The following CDH13 variants were observed in gnomAD, a reference collection of about 807,000 sequenced individuals.
CDH13 encodes the protein cadherin-13.
CDH13 carries 24 observed loss-of-function variants against 63.8 expected under a neutral mutation model. The ratio of observed to expected loss-of-function variants is 0.38; its 90% CI spans 0.27 to 0.53. The LOEUF (loss-of-function observed/expected upper bound fraction) is 0.53, where lower values mean the gene tolerates loss of function less well. Ranked by LOEUF, CDH13 falls within the 20% of genes least tolerant of loss-of-function variation. The probability of loss-of-function intolerance (pLI) is 0.85; values close to 1 mark genes in which losing one functional copy is unlikely to be tolerated. For synonymous variants in CDH13, 503 were observed against 355.3 expected (o/e 1.42, Z -4.67); for missense variants, 1,049 against 903.1 (o/e 1.16, Z -2.07).
chr16:83,275,145 C>T (rs2088946871), intron 5 of CDH13, among the ~76,000 whole-genome samples: 1 of 152,212 alleles, frequency 6.6e-6, no homozygotes, highest in Admixed American at 6.5e-5. Context: ...ACATCCAATA[C>T]ATGTTTGAAT....
intron 1 of CDH13, among the ~76,000 whole-genome samples, chr16:82,796,470 C>G (rs570374240): frequency 2.0e-5 from 3 of 152,330 alleles, no homozygotes; most frequent in African/African-American, 7.2e-5. Flanking sequence ...GCTGTGATTT[C>G]AACAGTGAAG....
At chr16:82,876,408 C>T (rs963675692) in intron 2 of CDH13, among the ~76,000 whole-genome samples, 2 of 152,180 alleles carry the variant, frequency 1.3e-5, no homozygotes, top group Admixed American at 6.5e-5. Context: ...ATTGAAAGAA[C>T]ATGCAACCCA....
chr16:83,691,367 G>A (rs1904864472), intron 10 of CDH13, among the ~76,000 whole-genome samples: 1 of 152,090 alleles, frequency 6.6e-6, no homozygotes, highest in African/African-American at 2.4e-5. Context: ...ACATCCAGAT[G>A]GAATTTAAAT....
At chr16:83,740,085 G>GT (rs1473867509) in intron 10 of CDH13, 2 of 152,122 alleles carry the variant, frequency 1.3e-5, no homozygotes, top group Non-Finnish European at 2.9e-5. Context: ...GTAGAAATGT[G>GT]TTGAGACCAG....
At chr16:83,410,344 C>CT (rs1251561944) in intron 6 of CDH13, among the ~76,000 whole-genome samples, 8 of 152,072 alleles carry the variant, frequency 5.3e-5, no homozygotes, top group African/African-American at 1.7e-4. Flanking sequence ...ACTTTATAAC[C>CT]TTTTTATCTC....
rs200853526 is a variant in CDH13 at position 82,998,862 on chromosome 16, C to CTTTTTTT, written c.158-33137_158-33131dup. ...GCTGCCATGTAATTTCCCCTTGATC[C>CTTTTTTT]TTTTTTTTTTTTTTTTTGCAGATAC... On this transcript the variant is annotated intron_variant, in intron 2 of 13. Transcript: ENST00000567109. Among the ~76,000 whole-genome samples, 190 of 128,536 alleles carry CTTTTTTT rather than the reference C, an allele frequency of 1.5e-3. 3 individuals are homozygous for CTTTTTTT. Among genetic ancestry groups the CTTTTTTT allele is most frequent in the African/African-American group, 5.1e-3 (170 of 33,376 alleles). 84.3% of individuals were successfully genotyped at this position (128,536 alleles called of 152,430 possible). A position where few individuals can be genotyped will look rare whatever the true frequency, so the allele number is the denominator to read the frequency against.
chr16:83,482,667 T>C (rs1037277758), intron 6 of CDH13, among the ~76,000 whole-genome samples: 3 of 152,252 alleles, frequency 2.0e-5, no homozygotes, highest in East Asian at 1.9e-4. Flanking sequence ...ACTCAGCAGA[T>C]AGGTTGGGGT....
chr16:83,023,829 T>C (rs1426929315), intron 2 of CDH13, among the ~76,000 whole-genome samples: 3 of 152,184 alleles, frequency 2.0e-5, no homozygotes, highest in East Asian at 3.8e-4. Context: ...ATGATTATAA[T>C]TGGTGAGAAT....
At chr16:83,707,698 T>G (rs2150918660) in intron 10 of CDH13, among the ~76,000 whole-genome samples, 1 of 152,116 alleles carries the variant, frequency 6.6e-6, no homozygotes, top group Admixed American at 6.6e-5. Context: ...ACTGTGCTAT[T>G]GATCTGGTGG....
intron 1 of CDH13, among the ~76,000 whole-genome samples, chr16:82,796,838 C>T (rs1016474228): frequency 5.9e-5 from 9 of 152,296 alleles, no homozygotes; most frequent in South Asian, 2.1e-4. Flanking sequence ...CAGCTCTTTA[C>T]GTAGGGCCAC....
intron 10 of CDH13, among the ~76,000 whole-genome samples, chr16:83,731,115 T>C (rs1412252374): frequency 3.3e-5 from 5 of 152,248 alleles, no homozygotes; most frequent in African/African-American, 9.6e-5. Context: ...CATTGTGCTG[T>C]GATAAACATA....
rs141842103 is a variant in CDH13 at position 83,540,229 on chromosome 16, A to G, written c.960+53574A>G. On this transcript the variant is annotated intron_variant, in intron 7 of 13. Transcript: ENST00000567109. ...GGAGGCCGAAAGATTGAGGGTCGTG[A>G]TCAACTCAGTATACCACTGGAGGCT... is the stretch of plus-strand genomic sequence containing the variant. 7.6e-3 allele frequency among the ~76,000 whole-genome samples: 1,160 copies of G among 152,066 alleles called. 28 individuals are homozygous for G. The highest frequency in any genetic ancestry group is 0.027 in the African/African-American group (1,101 of 41,462).
At chr16:83,412,037 G>T (rs1217086392) in intron 6 of CDH13, among the ~76,000 whole-genome samples, 2 of 152,202 alleles carry the variant, frequency 1.3e-5, no homozygotes, top group Non-Finnish European at 2.9e-5. Context: ...TGTGAAGGAG[G>T]CACAGGGAGG....
intron 1 of CDH13, among the ~76,000 whole-genome samples, chr16:82,801,167 C>A (rs1379098117): frequency 6.6e-6 from 1 of 152,174 alleles, no homozygotes; most frequent in Non-Finnish European, 1.5e-5. Flanking sequence ...ACCTCTCAGA[C>A]TCACTCTCTG....
intron 1 of CDH13, among the ~76,000 whole-genome samples, chr16:82,703,010 C>A (rs2031176552): frequency 6.6e-6 from 1 of 152,164 alleles, no homozygotes; most frequent in Admixed American, 6.5e-5. Context: ...GGTCAGCACA[C>A]AGCCAGTGAG....
At chr16:83,060,199 A>T (rs997398861) in intron 3 of CDH13, among the ~76,000 whole-genome samples, 1 of 152,148 alleles carries the variant, frequency 6.6e-6, no homozygotes, top group African/African-American at 2.4e-5. Context: ...GATAAACAAT[A>T]TATTAATATA....
intron 2 of CDH13, among the ~76,000 whole-genome samples, chr16:83,014,045 C>G (rs929035346): frequency 1.3e-5 from 2 of 152,026 alleles, no homozygotes; most frequent in Non-Finnish European, 1.5e-5. Context: ...CACTTTCTTC[C>G]CTCAAGAAGT....
chr16:83,035,625 C>T (rs1385886346), intron 3 of CDH13, among the ~76,000 whole-genome samples: 2 of 152,170 alleles, frequency 1.3e-5, no homozygotes, highest in Non-Finnish European at 2.9e-5. Flanking sequence ...CCCCTGAGTC[C>T]GTGCCTCCAA....
At chr16:83,254,996 T>TGATCAG (rs1906073876) in intron 5 of CDH13, among the ~76,000 whole-genome samples, 1 of 35,004 alleles carries the variant, frequency 2.9e-5, no homozygotes, top group Non-Finnish European at 8.9e-5. Context: ...TCTTTCTTTC[T>TGATCAG]TTCTTTCTTT....
Sources: allele counts gnomAD v4.1 joint callset (sites outside exome capture counted in the v4.1 genomes callset), GRCh38; gene constraint gnomAD v4.1.1; transcripts MANE v1.5; gene names NCBI Gene and HGNC (gene_info 2026-07-23, HGNC 2026-07-21).